SGCD: variants seen among roughly 807,000 people sequenced by gnomAD.
SGCD encodes delta-sarcoglycan.
A neutral mutation model predicts 36.6 loss-of-function variants in SGCD; 18 were observed. The observed-to-expected ratio is 0.49, with a 90% CI of 0.34 to 0.73. The LOEUF is 0.73. Ranked by LOEUF, SGCD falls within the 30% of genes least tolerant of loss-of-function variation. The pLI is 0.01. For missense variants in SGCD, 387 were observed against 346.7 expected, an observed-to-expected ratio of 1.12 and a Z score of -0.92; for synonymous variants, 133 against 130.6, an observed-to-expected ratio of 1.02 and a Z score of -0.12.
At chr5:156,474,815 G>A (rs928687744) in intron 3 of SGCD, among the ~76,000 whole-genome samples, 6 of 152,116 alleles carry the variant, frequency 3.9e-5, no homozygotes, top group African/African-American at 1.4e-4. Context: ...ATTAGGATGG[G>A]ATTAACTTGA....
At chr5:155,784,048 A>ATTGGTCCCTGCTCAGAAAGGGCC in the SGCD span, among the ~76,000 whole-genome samples, 1 of 152,166 alleles carries the variant, frequency 6.6e-6, no homozygotes, top group Admixed American at 6.5e-5. Context: ...GCAAACAGGC[A>ATTGGTCCCTGCTCAGAAAGGGCC]TTGGTCCCTG....
intron 2 of SGCD, among the ~76,000 whole-genome samples, chr5:156,331,272 A>C (rs75194700): frequency 6.6e-6 from 1 of 152,112 alleles, no homozygotes; most frequent in Non-Finnish European, 1.5e-5. Context: ...TCAAATTCCT[A>C]TTGCAGAGTG....
At chr5:155,806,274 C>G in the SGCD span, among the ~76,000 whole-genome samples, 1 of 152,270 alleles carries the variant, frequency 6.6e-6, no homozygotes, top group Non-Finnish European at 1.5e-5. Flanking sequence ...CCTGCCTTAG[C>G]CTCCCAAGTA....
intron 1 of SGCD, among the ~76,000 whole-genome samples, chr5:156,032,643 G>T (rs1203200299): frequency 1.4e-5 from 2 of 145,044 alleles, no homozygotes; most frequent in African/African-American, 5.2e-5. Flanking sequence ...GCATGAACCC[G>T]GGAGGTGGAG....
chr5:156,374,500 A>G (rs1405976344), intron 3 of SGCD, among the ~76,000 whole-genome samples: 1 of 152,186 alleles, frequency 6.6e-6, no homozygotes, highest in East Asian at 1.9e-4. Context: ...GAAACCTAGC[A>G]AATTGGGCAT....
intron 1 of SGCD, among the ~76,000 whole-genome samples, chr5:155,994,946 G>T (rs1758509373): frequency 6.6e-6 from 1 of 152,158 alleles, no homozygotes; most frequent in African/African-American, 2.4e-5. Flanking sequence ...CTTAGCAAAG[G>T]CCACGCAACC....
At chr5:155,849,436 A>T in the SGCD span, among the ~76,000 whole-genome samples, 1 of 146,190 alleles carries the variant, frequency 6.8e-6, no homozygotes, top group African/African-American at 2.5e-5. Flanking sequence ...ACACACACAC[A>T]TGTGCGCGCG....
At chr5:156,757,235 G>T (rs1757368882) in intron 7 of SGCD, among the ~76,000 whole-genome samples, 1 of 107,902 alleles carries the variant, frequency 9.3e-6, no homozygotes, top group Non-Finnish European at 1.7e-5. Context: ...AGGAAGCTCG[G>T]TTTAGATCCG....
At chr5:156,103,053 A>T (rs574007115) in intron 1 of SGCD, among the ~76,000 whole-genome samples, 4 of 152,172 alleles carry the variant, frequency 2.6e-5, no homozygotes, top group African/African-American at 7.2e-5. Context: ...ATAATTTGCT[A>T]TAAGGTTTTT....
chr5:156,233,688 T>G (rs886679785), intron 3 of SGCD, among the ~76,000 whole-genome samples: 1 of 152,174 alleles, frequency 6.6e-6, no homozygotes. Flanking sequence ...GTTGTCCTGC[T>G]TCAAAAGGAG....
intron 3 of SGCD, among the ~76,000 whole-genome samples, chr5:156,359,326 G>A (rs1175977943): frequency 1.3e-5 from 2 of 152,142 alleles, no homozygotes; most frequent in Non-Finnish European, 2.9e-5. Flanking sequence ...AGGATTCACA[G>A]GTTGATTATT....
At chr5:156,384,386 T>C (rs1385018019) in intron 3 of SGCD, among the ~76,000 whole-genome samples, 2 of 152,198 alleles carry the variant, frequency 1.3e-5, no homozygotes, top group Non-Finnish European at 2.9e-5. Flanking sequence ...TGAATGATTG[T>C]GAATGTTTCC....
chr5:156,580,631 T>G (rs543356116), intron 4 of SGCD, among the ~76,000 whole-genome samples: 1 of 152,326 alleles, frequency 6.6e-6, no homozygotes, highest in Admixed American at 6.5e-5. Flanking sequence ...CTTCTCTTCT[T>G]GCTTATTTCA....
chr5:156,158,855 TG>T (rs1763023237), intron 3 of SGCD, among the ~76,000 whole-genome samples: 2 of 151,708 alleles, frequency 1.3e-5, no homozygotes, highest in East Asian at 3.9e-4. Flanking sequence ...GGACTAGAAT[TG>T]AGACCTCCTA....
chr5:155,792,433 CA>C, the SGCD span, among the ~76,000 whole-genome samples: 37,182 of 91,880 alleles, frequency 0.4, 5,868 homozygotes, highest in East Asian at 0.51. Flanking sequence ...TTCTACATAG[CA>C]AAAAAAAAAA....
intron 3 of SGCD, among the ~76,000 whole-genome samples, chr5:156,231,589 T>C (rs141374224): frequency 1.3e-5 from 2 of 152,116 alleles, no homozygotes; most frequent in Non-Finnish European, 1.5e-5. Context: ...CAGAAGATAA[T>C]CCTGGAAAAG....
chr5:156,077,326 C>A (rs527578576), intron 1 of SGCD, among the ~76,000 whole-genome samples: 1 of 152,138 alleles, frequency 6.6e-6, no homozygotes, highest in Non-Finnish European at 1.5e-5. Context: ...ACCCATTTCC[C>A]CCTCTTCTCA....
intron 1 of SGCD, among the ~76,000 whole-genome samples, chr5:156,032,706 C>CAAAAAAAAAAA (rs1171072619): frequency 0.02 from 302 of 15,058 alleles, 85 homozygotes; most frequent in African/African-American, 0.043. Context: ...GACTCCGTCT[C>CAAAAAAAAAAA]AAAAAAAAAA....
At chr5:156,238,224 T>C (rs1765215375) in intron 3 of SGCD, among the ~76,000 whole-genome samples, 2 of 152,226 alleles carry the variant, frequency 1.3e-5, no homozygotes, top group African/African-American at 4.8e-5. Context: ...ATTATAAGTG[T>C]GAACCACTGC....
Sources: gnomAD v4.1 joint callset for allele counts (sites outside exome capture counted in the v4.1 genomes callset) on GRCh38, gnomAD v4.1.1 for gene constraint, MANE v1.5 for transcripts, NCBI Gene and HGNC (gene_info 2026-07-23, HGNC 2026-07-21) for gene names.